CHRM3: variants seen among roughly 807,000 people sequenced by gnomAD.
The protein encoded by CHRM3 is cholinergic receptor muscarinic 3, also known as muscarinic acetylcholine receptor M3.
In CHRM3, 11 loss-of-function variants were observed where a neutral mutation model predicts 41.8. The ratio of observed to expected loss-of-function variants is 0.26; its 90% CI spans 0.17 to 0.44. The LOEUF (loss-of-function observed/expected upper bound fraction) is 0.44, where lower values mean the gene tolerates loss of function less well. Among genes scored for constraint, CHRM3 ranks in the 20% least tolerant of loss-of-function variants. CHRM3 has a pLI of 1.00. For missense variants in CHRM3, 571 were observed against 745.4 expected, an observed-to-expected ratio of 0.77 and a Z score of 2.72; for synonymous variants, 297 against 301.4, an observed-to-expected ratio of 0.99 and a Z score of 0.15.
At chr1:239,408,990 G>T (rs1660863221) in intron 1 of CHRM3, among the ~76,000 whole-genome samples, 1 of 152,092 alleles carries the variant, frequency 6.6e-6, no homozygotes, top group Non-Finnish European at 1.5e-5. Context: ...TCCAGAATAT[G>T]ATTTCTAGTT....
intron 2 of CHRM3, among the ~76,000 whole-genome samples, chr1:239,528,058 A>G (rs1014015561): frequency 6.6e-6 from 1 of 152,220 alleles, no homozygotes; most frequent in Non-Finnish European, 1.5e-5. Context: ...AGGACCCTCA[A>G]AGGGCATTAG....
intron 3 of CHRM3, among the ~76,000 whole-genome samples, chr1:239,569,132 A>G (rs1327715328): frequency 2.0e-5 from 3 of 152,220 alleles, no homozygotes; most frequent in Non-Finnish European, 4.4e-5. Context: ...TGATAAGTGT[A>G]TACATGCACA....
intron 2 of CHRM3, among the ~76,000 whole-genome samples, chr1:239,494,959 G>T (rs1667788359): frequency 6.6e-6 from 1 of 151,874 alleles, no homozygotes; most frequent in Non-Finnish European, 1.5e-5. Context: ...TCTTCCATAA[G>T]AAAAAAATGA....
intron 6 of CHRM3, among the ~76,000 whole-genome samples, chr1:239,864,078 A>G (rs1675865206): frequency 6.7e-6 from 1 of 149,728 alleles, no homozygotes; most frequent in African/African-American, 2.5e-5. Flanking sequence ...TCTTGATTTA[A>G]GAAAAAAAAA....
rs893498188 is a variant in CHRM3 at position 239,653,845 on chromosome 1, A to G, written c.-250+21559A>G. On this transcript the variant is annotated intron_variant, in intron 4 of 6. Coordinates refer to ENST00000676153, the MANE Select transcript of CHRM3 (RefSeq NM_001375978.1). ...AACAGAATCTTGGGAGAGAGTTGCA[A>G]TCTTTTTGGAGGAAATAGCAAGAGA... Among the ~76,000 whole-genome samples, 12 of 152,306 alleles carry G rather than the reference A, an allele frequency of 7.9e-5. 2 individuals carry two copies. Among genetic ancestry groups the G allele is most frequent in the Admixed American group, 7.2e-4 (11 of 15,294 alleles).
intron 5 of CHRM3, among the ~76,000 whole-genome samples, chr1:239,746,171 C>T (rs1361895607): frequency 6.6e-6 from 1 of 152,134 alleles, no homozygotes; most frequent in Non-Finnish European, 1.5e-5. Context: ...AGCATTCTGC[C>T]CAAATACAAG....
intron 5 of CHRM3, among the ~76,000 whole-genome samples, chr1:239,726,638 T>A (rs1311692220): frequency 6.6e-6 from 1 of 151,940 alleles, no homozygotes; most frequent in Non-Finnish European, 1.5e-5. Flanking sequence ...TGATATCTAG[T>A]GTACAGAACA....
chr1:239,579,408 C>T (rs1420133676), intron 3 of CHRM3, among the ~76,000 whole-genome samples: 1 of 152,128 alleles, frequency 6.6e-6, no homozygotes, highest in Non-Finnish European at 1.5e-5. Context: ...TTTTAGAAAA[C>T]TGTAACAGCA....
At chr1:239,417,241 A>C (rs1661564588) in intron 1 of CHRM3, among the ~76,000 whole-genome samples, 1 of 152,224 alleles carries the variant, frequency 6.6e-6, no homozygotes, top group African/African-American at 2.4e-5. Context: ...TGAATGGAGA[A>C]AAATTTTATG....
At position 239,907,022 on chromosome 1, in the gene CHRM3, T is replaced by C. The variant is rs1680018994; in HGVS notation, c.-19-411T>C. On this transcript the variant is annotated intron_variant, in intron 6 of 6. Coordinates refer to ENST00000676153, the MANE Select transcript of CHRM3 (RefSeq NM_001375978.1). This position sits in a 1 kb window ranked among gnomAD's most constrained non-coding sequence, Gnocchi z 5.4. Reference sequence around the variant, plus strand: ...AGCCTCAGATGGGTAAATGCCCAGATAGATAAAATGCAAATCAAGTCAAGT... The same window carrying C: ...AGCCTCAGATGGGTAAATGCCCAGACAGATAAAATGCAAATCAAGTCAAGT... Among the ~76,000 whole-genome samples, 1 of 152,210 alleles carries C rather than the reference T, an allele frequency of 6.6e-6. No homozygotes were observed. Among genetic ancestry groups the C allele is most frequent in the African/African-American group, 2.4e-5 (1 of 41,450 alleles).
At chr1:239,819,204 T>A (rs1249660826) in intron 5 of CHRM3, among the ~76,000 whole-genome samples, 1 of 152,138 alleles carries the variant, frequency 6.6e-6, no homozygotes, top group Non-Finnish European at 1.5e-5. Flanking sequence ...CTGCTCTCCT[T>A]CCAGTCGATG....
rs561338728 is a variant in CHRM3, at chr1:239,413,551, T to C, written c.-521+26324T>C. Among the ~76,000 whole-genome samples the C allele has an allele frequency of 6.6e-5, 10 of 152,260 alleles. No individual in the cohort carries two copies. In the East Asian group the frequency reaches 1.9e-3, roughly 29 times the overall value. ...GTTCTGACCCCCTCAGCCTCCTAAATTGCTGGGATTACAGGCGTGAGCCAC... is the reference window on the plus strand; with the variant it reads ...GTTCTGACCCCCTCAGCCTCCTAAACTGCTGGGATTACAGGCGTGAGCCAC... On this transcript the variant is annotated intron_variant, in intron 1 of 6. Coordinates refer to ENST00000676153, the MANE Select transcript of CHRM3 (RefSeq NM_001375978.1).
intron 2 of CHRM3, among the ~76,000 whole-genome samples, chr1:239,494,381 C>A (rs549969862): frequency 1.4e-4 from 22 of 152,080 alleles, no homozygotes; most frequent in Non-Finnish European, 2.6e-4. Context: ...ACAAGTCCTA[C>A]CAATCTCCTA....
intron 3 of CHRM3, among the ~76,000 whole-genome samples, chr1:239,618,950 T>C (rs891322252): frequency 1.3e-5 from 2 of 150,970 alleles, no homozygotes; most frequent in Admixed American, 1.3e-4. Context: ...AATCTCACTC[T>C]GTCGCCCAGG....
At chr1:239,770,298 A>T (rs1047972121) in intron 5 of CHRM3, among the ~76,000 whole-genome samples, 2 of 152,178 alleles carry the variant, frequency 1.3e-5, no homozygotes, top group African/African-American at 4.8e-5. Flanking sequence ...TTGCAGATTC[A>T]TTTGGCTTTG....
At chr1:239,652,897 T>C (rs1018572387) in intron 4 of CHRM3, among the ~76,000 whole-genome samples, 7 of 152,202 alleles carry the variant, frequency 4.6e-5, no homozygotes, top group Non-Finnish European at 1.0e-4. Context: ...GAAGTTAAGA[T>C]GGCAGATCTC....
chr1:239,835,713 G>A (rs1673258271), intron 6 of CHRM3, among the ~76,000 whole-genome samples: 1 of 152,198 alleles, frequency 6.6e-6, no homozygotes, highest in African/African-American at 2.4e-5. Context: ...CTCCCATGGA[G>A]TGAGGTAGTA....
At chr1:239,874,303 A>C (rs1403305427) in intron 6 of CHRM3, among the ~76,000 whole-genome samples, 4 of 123,996 alleles carry the variant, frequency 3.2e-5, no homozygotes, top group African/African-American at 1.5e-4. Context: ...ATATATATAT[A>C]TATATATATA....
chr1:239,660,515 A>C (rs1474642702), intron 4 of CHRM3, among the ~76,000 whole-genome samples: 1 of 152,194 alleles, frequency 6.6e-6, no homozygotes, highest in Non-Finnish European at 1.5e-5. Context: ...ATATTAAAAA[A>C]AATCTTATTG....
Sources: allele counts gnomAD v4.1 joint callset (sites outside exome capture counted in the v4.1 genomes callset), GRCh38; gene constraint gnomAD v4.1.1; non-coding constraint Gnocchi (gnomAD v3.1); transcripts MANE v1.5; gene names NCBI Gene and HGNC (gene_info 2026-07-23, HGNC 2026-07-21).